The following XKR4 variants were observed in gnomAD, a reference collection of about 807,000 sequenced individuals.
XKR4 encodes XK related 4, also known as XK-related protein 4.
XKR4 carries 12 observed loss-of-function variants against 53.9 expected under a neutral mutation model. The ratio of observed to expected loss-of-function variants is 0.22; its 90% CI spans 0.14 to 0.36. XKR4 has a LOEUF of 0.36. XKR4 is among the 10% of genes least tolerant of loss of function. XKR4 has a pLI of 1.00. For synonymous variants in XKR4, 354 were observed against 362.4 expected (o/e 0.98, Z 0.26); for missense variants, 799 against 859.5 (o/e 0.93, Z 0.88).
In XKR4 at chr8:55,540,520, C is replaced by A. The variant is rs550099363; in HGVS notation, c.*16293C>A. ...GACCATAGCTATTCTTGGATGAGAA[C>A]CTTGCCTCTACTAAATAGTTTCTGC... is the stretch of plus-strand genomic sequence containing the variant. On this transcript the variant is annotated 3_prime_UTR_variant, in exon 3 of 3. Transcript: ENST00000327381. The A allele has an allele frequency of 6.6e-5, 10 of 152,186 alleles. No homozygotes were observed. The highest frequency in any genetic ancestry group is 2.6e-4 in the Admixed American group (4 of 15,266). The allele number at this position is 152,186 out of a possible 1,614,324, so 9.4% of individuals were successfully genotyped here.
At chr8:55,289,595 A>AAG (rs1207914706) in intron 1 of XKR4, among the ~76,000 whole-genome samples, 12 of 55,644 alleles carry the variant, frequency 2.2e-4, no homozygotes, top group Non-Finnish European at 4.0e-4. Flanking sequence ...AAGAAAGAGA[A>AAG]AGAAAGAAAG....
At chr8:55,245,077 T>C (rs1452280133) in intron 1 of XKR4, among the ~76,000 whole-genome samples, 1 of 151,934 alleles carries the variant, frequency 6.6e-6, no homozygotes, top group Non-Finnish European at 1.5e-5. Context: ...AATTTTTATA[T>C]TTTTTAGTAG....
Position 55,523,264 on chromosome 8 carries a change from C to T in XKR4, c.1007-17C>T, listed in dbSNP as rs375137052. 6.4e-7 allele frequency: 1 copy of T among 1,570,940 alleles called. No homozygotes were observed. The highest frequency in any genetic ancestry group is 1.2e-5 in the South Asian group (1 of 82,970). The stretch of plus-strand genomic sequence containing the variant: ...CAACTGATTTCTGACACACTGTCTT[C>T]CTGTTTGCCTTTGTAGGTTTCACAG... On this transcript the variant is annotated splice_polypyrimidine_tract_variant and intron_variant, in intron 2 of 2. Coordinates refer to ENST00000327381, the MANE Select transcript of XKR4 (RefSeq NM_052898.2).
chr8:55,468,250 G>A (rs2939654), intron 2 of XKR4, among the ~76,000 whole-genome samples: 61,715 of 151,766 alleles, frequency 0.41, 13,283 homozygotes, highest in East Asian at 0.53. Flanking sequence ...ACTTGGTCGT[G>A]GGAAATATAC....
intron 1 of XKR4, among the ~76,000 whole-genome samples, chr8:55,291,518 T>C (rs1819019831): frequency 6.6e-6 from 1 of 152,222 alleles, no homozygotes; most frequent in Non-Finnish European, 1.5e-5. Flanking sequence ...TCAGTTTATT[T>C]AGATCTTTGA....
rs547941585 is a variant in XKR4 at position 55,301,072 on chromosome 8, A to G, written c.807-56606A>G. 1.5e-3 allele frequency among the ~76,000 whole-genome samples: 229 copies of G among 151,912 alleles called. 3 individuals carry two copies. The highest frequency in any genetic ancestry group is 5.0e-3 in the African/African-American group (206 of 41,426). ...AGGTTTGTTACATATGTATACATGT[A>G]CCATGCTGGTGTGCTGCACCCATTA... On this transcript the variant is annotated intron_variant, in intron 1 of 2. Transcript: ENST00000327381.
At position 55,203,129 on chromosome 8, in the gene XKR4, CAT is replaced by C. The variant is rs539544279; in HGVS notation, c.806+99836_806+99837del. ...CCAGGGTGTCGGATAAAATGACAGA[CAT>C]GTGTGCCCAGCACAACTGGCACCAG... On this transcript the variant is annotated intron_variant, in intron 1 of 2. Transcript: ENST00000327381. 1.8e-3 allele frequency among the ~76,000 whole-genome samples: 268 copies of C among 152,350 alleles called. 3 individuals are homozygous for C. The highest frequency in any genetic ancestry group is 0.012 in the South Asian group (56 of 4,830).
chr8:55,487,361 G>T lies in XKR4; in HGVS notation c.1007-35920G>T, dbSNP rs528296255. ...TGGTGCCCACCAAAATTCAGGGCAG[G>T]TCTTTCTCCACATAGTCCACTCAGA... is the stretch of plus-strand genomic sequence containing the variant. On this transcript the variant is annotated intron_variant, in intron 2 of 2. Transcript: ENST00000327381. 2.6e-4 allele frequency among the ~76,000 whole-genome samples: 40 copies of T among 152,238 alleles called. 1 individual carries two copies. In the South Asian group the frequency reaches 6.0e-3, roughly 23 times the overall value.
chr8:55,116,016 C>A (rs1029561562), intron 1 of XKR4, among the ~76,000 whole-genome samples: 1 of 152,024 alleles, frequency 6.6e-6, no homozygotes, highest in Non-Finnish European at 1.5e-5. Context: ...AACCAGACAC[C>A]AAGAATAGAG....
In XKR4 at chr8:55,306,191, G is replaced by T. The variant is rs552584718; in HGVS notation, c.807-51487G>T. 8.5e-5 allele frequency among the ~76,000 whole-genome samples: 13 copies of T among 152,314 alleles called. No individual in the cohort carries two copies. In the East Asian group the frequency reaches 2.1e-3, roughly 25 times the overall value. On this transcript the variant is annotated intron_variant, in intron 1 of 2. Transcript: ENST00000327381. ...CATGTGGGCCGATAAACTGAACATG[G>T]TTTATAAACATTGAAATGGGTGGTA...
At chr8:55,494,986 TG>T (rs1806320877) in intron 2 of XKR4, among the ~76,000 whole-genome samples, 1 of 152,144 alleles carries the variant, frequency 6.6e-6, no homozygotes, top group African/African-American at 2.4e-5. Flanking sequence ...CCACTGTTCA[TG>T]GCTCCCAGGC....
chr8:55,113,099 T>A (rs1816255606), intron 1 of XKR4, among the ~76,000 whole-genome samples: 1 of 152,162 alleles, frequency 6.6e-6, no homozygotes. Context: ...TTAGTTGAGT[T>A]CTTACTTCTG....
chr8:55,150,239 G>C (rs1026221303), intron 1 of XKR4, among the ~76,000 whole-genome samples: 1 of 152,200 alleles, frequency 6.6e-6, no homozygotes, highest in African/African-American at 2.4e-5. Flanking sequence ...CTAGGTAACT[G>C]TAACTGTATT....
At chr8:55,442,549 A>G (rs1352246497) in intron 2 of XKR4, among the ~76,000 whole-genome samples, 1 of 152,252 alleles carries the variant, frequency 6.6e-6, no homozygotes, top group Non-Finnish European at 1.5e-5. Context: ...TGCATTATTC[A>G]TAACAGCCAA....
At chr8:55,301,691 A>T (rs1819201368) in intron 1 of XKR4, among the ~76,000 whole-genome samples, 1 of 152,122 alleles carries the variant, frequency 6.6e-6, no homozygotes, top group African/African-American at 2.4e-5. Flanking sequence ...CACCATTCTA[A>T]CTGGTGTGAG....
At chr8:55,188,082 T>G (rs1477540768) in intron 1 of XKR4, among the ~76,000 whole-genome samples, 1 of 152,184 alleles carries the variant, frequency 6.6e-6, no homozygotes, top group African/African-American at 2.4e-5. Flanking sequence ...AGTAATGCTG[T>G]TAATTCTGTT....
intron 2 of XKR4, among the ~76,000 whole-genome samples, chr8:55,462,241 A>G: frequency 6.6e-6 from 1 of 152,236 alleles, no homozygotes; most frequent in South Asian, 2.1e-4. Flanking sequence ...CGGGTTACCC[A>G]CAAAGGGAAG....
intron 1 of XKR4, among the ~76,000 whole-genome samples, chr8:55,323,280 A>G (rs1273896285): frequency 6.6e-6 from 1 of 152,208 alleles, no homozygotes; most frequent in Non-Finnish European, 1.5e-5. Flanking sequence ...CCCTATACTC[A>G]TCATTGCAAT....
chr8:55,120,286 C>A (rs190982971), intron 1 of XKR4, among the ~76,000 whole-genome samples: 1 of 152,174 alleles, frequency 6.6e-6, no homozygotes, highest in East Asian at 1.9e-4. Flanking sequence ...GTTCCCTAAG[C>A]TCTCACTGTA....
Sources: allele counts gnomAD v4.1 joint callset (sites outside exome capture counted in the v4.1 genomes callset), GRCh38; gene constraint gnomAD v4.1.1; transcripts MANE v1.5; gene names NCBI Gene and HGNC (gene_info 2026-07-23, HGNC 2026-07-21).